DOCK8: variants seen among roughly 807,000 people sequenced by gnomAD.
DOCK8 encodes the protein dedicator of cytokinesis 8.
Under a neutral mutation model 245.6 loss-of-function variants are expected in DOCK8, and 141 were observed. That is an observed-to-expected ratio of 0.57 (90% CI 0.50 to 0.66). DOCK8 has a LOEUF of 0.66. DOCK8 is among the 30% of genes least tolerant of loss of function. The pLI is 0.00. For missense variants in DOCK8, 2,965 were observed against 2,603.4 expected, an observed-to-expected ratio of 1.14 and a Z score of -3.02; for synonymous variants, 1,168 against 970.2, an observed-to-expected ratio of 1.20 and a Z score of -3.79.
At position 295,244 on chromosome 9, in the gene DOCK8, C is replaced by G. The variant is rs72701264; in HGVS notation, c.404+5663C>G. On this transcript the variant is annotated intron_variant, in intron 4 of 47. Transcript: ENST00000432829. ...TGACATTCTGGAAAAGATGAAGCTA[C>G]AGGGATGGAAAACAGGTCCATGGTT... 3.1e-3 allele frequency among the ~76,000 whole-genome samples: 469 copies of G among 151,944 alleles called. 1 individual carries two copies. The highest frequency in any genetic ancestry group is 5.4e-3 in the Non-Finnish European group (367 of 67,954).
chr9:311,773 G>A (rs1389494797), intron 5 of DOCK8, among the ~76,000 whole-genome samples, 181 bp from the exon 6 acceptor site: 1 of 152,196 alleles, frequency 6.6e-6, no homozygotes, highest in Non-Finnish European at 1.5e-5. Context: ...TAATTTTAGA[G>A]TAGTCCAGCC....
Position 414,761 on chromosome 9 carries a change from A to AT in DOCK8, c.3531-19dup, listed in dbSNP as rs775536230. ...AATTTCCTTTCACCATAACCTCTTG[A>AT]TTCCTGTGTTGTGCCAACAGAATCA... On this transcript the variant is annotated intron_variant, in intron 28 of 47. Coordinates refer to ENST00000432829, the MANE Select transcript of DOCK8 (RefSeq NM_203447.4). 5.6e-6 allele frequency: 9 copies of AT among 1,613,992 alleles called. No homozygotes were observed. In the Admixed American group the frequency reaches 1.0e-4, roughly 18 times the overall value.
chr9:375,085 G>A (rs973360506), intron 18 of DOCK8, among the ~76,000 whole-genome samples: 45 of 152,256 alleles, frequency 3.0e-4, no homozygotes, highest in African/African-American at 1.1e-3. Context: ...AAATTTTCAG[G>A]CTTTCAAATA....
intron 46 of DOCK8, among the ~76,000 whole-genome samples, chr9:462,045 A>C (rs1199807774): frequency 7.0e-6 from 1 of 142,026 alleles, no homozygotes; most frequent in Non-Finnish European, 1.5e-5. Context: ...TTGGTTTTTT[A>C]CATTGTTTTA....
Position 405,013 on chromosome 9 carries a change from C to A in DOCK8, c.3330C>A (p.Asn1110Lys). The A allele has an allele frequency of 6.2e-7, 1 of 1,613,994 alleles. No homozygotes were observed. The highest frequency in any genetic ancestry group is 8.5e-7 in the Non-Finnish European group (1 of 1,179,940). Reference sequence around the variant, plus strand: ...GCCATGAGCATTACCTCAATCTGAACCTTTTTTTTATGAATGCTGATACTG... The same window carrying A: ...GCCATGAGCATTACCTCAATCTGAAACTTTTTTTTATGAATGCTGATACTG... ...LCSHEHYLNL[N>K]LFFMNADTAP... Residue 1110 changes from asparagine to lysine, a missense_variant, in exon 27 of 48, where the codon AAC becomes AAA. Asn to Lys is a moderately conservative substitution (Grantham distance 94). Transcript: ENST00000432829.
At chr9:403,694 T>G (rs556646111) in intron 26 of DOCK8, among the ~76,000 whole-genome samples, 2 of 151,522 alleles carry the variant, frequency 1.3e-5, no homozygotes, top group South Asian at 4.2e-4. Context: ...TTAAACCCCA[T>G]CTCTACTAAA....
At chr9:332,014 C>T (rs2051034020) in intron 9 of DOCK8, among the ~76,000 whole-genome samples, 1 of 152,182 alleles carries the variant, frequency 6.6e-6, no homozygotes, top group Non-Finnish European at 1.5e-5. Context: ...CTACGTATGT[C>T]TCCTGGGTTT....
chr9:246,772 GC>G (rs1294168138), intron 1 of DOCK8, among the ~76,000 whole-genome samples: 1 of 151,908 alleles, frequency 6.6e-6, no homozygotes, highest in African/African-American at 2.4e-5. Context: ...ATTTTTTAAA[GC>G]TTTTATTTAT....
intron 46 of DOCK8, among the ~76,000 whole-genome samples, chr9:454,845 G>C (rs901269292): frequency 3.3e-5 from 5 of 151,972 alleles, no homozygotes; most frequent in African/African-American, 9.7e-5. Flanking sequence ...TTTCTCATTA[G>C]CTCCCAGCCC....
chr9:337,144 A>G (rs1026995969), intron 12 of DOCK8, among the ~76,000 whole-genome samples: 5 of 152,254 alleles, frequency 3.3e-5, no homozygotes, highest in Admixed American at 3.3e-4. Flanking sequence ...TCATGATTCA[A>G]TCACGTCTTA....
intron 4 of DOCK8, among the ~76,000 whole-genome samples, chr9:298,753 C>G (rs2049388856): frequency 6.6e-6 from 1 of 151,838 alleles, no homozygotes; most frequent in African/African-American, 2.4e-5. Flanking sequence ...TGATATAGTT[C>G]TGGTTGCTAA....
chr9:287,903 G>A (rs779392642), intron 3 of DOCK8, among the ~76,000 whole-genome samples: 5 of 152,062 alleles, frequency 3.3e-5, no homozygotes, highest in African/African-American at 9.7e-5. Context: ...GCCAGTCACC[G>A]CAGCTTGTTC....
chr9:235,353 C>G (rs562480335), intron 1 of DOCK8, among the ~76,000 whole-genome samples: 1 of 152,176 alleles, frequency 6.6e-6, no homozygotes, highest in Non-Finnish European at 1.5e-5. Flanking sequence ...CAGGGACCCA[C>G]TTGAGGAGGC....
In DOCK8 at chr9:439,246, A is replaced by G. The variant is rs1303223895; in HGVS notation, c.5081A>G (p.Asn1694Ser). ...GGCTTATACTGTGGTCTCTTTCAGA[A>G]TATTTCTTCCAATGTGCTGGAGGAG... ...YLPVGSVSFQNISSNVLEESV... is the reference protein window; with the variant it reads ...YLPVGSVSFQSISSNVLEESV... The change falls in exon 40 of 48, where the codon AAT (asparagine) becomes AGT (serine). Residue 1694 changes from asparagine (N) to serine (S), a missense_variant and splice_region_variant. Transcript: ENST00000432829. 1 of 1,614,138 alleles carries G rather than the reference A, an allele frequency of 6.2e-7. No individual in the cohort carries two copies. Among genetic ancestry groups the G allele is most frequent in the Non-Finnish European group, 8.5e-7 (1 of 1,180,012 alleles).
At chr9:237,595 C>G (rs2047284234) in intron 1 of DOCK8, among the ~76,000 whole-genome samples, 1 of 152,162 alleles carries the variant, frequency 6.6e-6, no homozygotes, top group African/African-American at 2.4e-5. Context: ...GTTGAGGCTT[C>G]AGTGAGCTGT....
intron 42 of DOCK8, among the ~76,000 whole-genome samples, chr9:442,245 G>A (rs2057116124): frequency 6.6e-6 from 1 of 152,168 alleles, no homozygotes; most frequent in African/African-American, 2.4e-5. Flanking sequence ...TCACAGTTTG[G>A]AATTTTATAT....
intron 24 of DOCK8, among the ~76,000 whole-genome samples, chr9:391,467 A>T (rs909342827): frequency 1.3e-5 from 2 of 152,190 alleles, no homozygotes; most frequent in Admixed American, 6.5e-5. Context: ...TGAAATTTGT[A>T]TATCTGTTTA....
intron 4 of DOCK8, among the ~76,000 whole-genome samples, chr9:294,486 A>T (rs1396567707): frequency 6.6e-6 from 1 of 152,170 alleles, no homozygotes; most frequent in Non-Finnish European, 1.5e-5. Context: ...TTTAGTTATT[A>T]TTTTAATCTG....
In DOCK8 at chr9:334,305, C is replaced by T. The variant is rs372916172; in HGVS notation, c.1206C>T (p.Ala402=). 6.2e-6 allele frequency: 10 copies of T among 1,614,066 alleles called. No homozygotes were observed. The highest frequency in any genetic ancestry group is 8.5e-6 in the Non-Finnish European group (10 of 1,180,016). ...QRLGKYRMPF[A]WAPISLSSFF... ...TGGGGAAATACCGGATGCCCTTTGC[C>T]TGGGCACCCATAAGCTTATCAAGCT... Residue 402 remains alanine (A), a synonymous_variant, in exon 11 of 48, where the codon GCC becomes GCT. Transcript: ENST00000432829.
Sources: allele counts gnomAD v4.1 joint callset (sites outside exome capture counted in the v4.1 genomes callset), GRCh38; gene constraint gnomAD v4.1.1; transcripts MANE v1.5; gene names NCBI Gene and HGNC (gene_info 2026-07-23, HGNC 2026-07-21).